Variants in COQ8A observed in about 807,000 individuals in gnomAD.
COQ8A encodes the protein atypical kinase COQ8A, mitochondrial.
In COQ8A, 51 loss-of-function variants were observed where a neutral mutation model predicts 65.0. The ratio of observed to expected loss-of-function variants is 0.78; its 90% confidence interval spans 0.63 to 0.99. COQ8A has a LOEUF of 0.99. Among genes scored for constraint, COQ8A ranks in the 50% least tolerant of loss-of-function variants. The probability of loss-of-function intolerance (pLI) is 0.00; values close to 1 mark genes in which losing one functional copy is unlikely to be tolerated. For synonymous variants in COQ8A, 371 were observed against 353.2 expected (o/e 1.05, Z -0.57); for missense variants, 940 against 875.0 (o/e 1.07, Z -0.94).
intron 1 of COQ8A, among the ~76,000 whole-genome samples, chr1:226,944,799 G>A (rs1656930074): frequency 6.7e-6 from 1 of 149,350 alleles, no homozygotes; most frequent in Non-Finnish European, 1.5e-5. Flanking sequence ...GAGTGTGTGT[G>A]TATGTGTAGA....
intron 1 of COQ8A, among the ~76,000 whole-genome samples, chr1:226,957,548 AGAG>A (rs2148036122): frequency 6.6e-6 from 1 of 152,264 alleles, no homozygotes; most frequent in South Asian, 2.1e-4. Context: ...CTGCTGTCAT[AGAG>A]GAGATGAGTG....
intron 2 of COQ8A, among the ~76,000 whole-genome samples, chr1:226,963,558 A>T (rs1457730312): frequency 6.6e-6 from 1 of 152,198 alleles, no homozygotes; most frequent in Non-Finnish European, 1.5e-5. Flanking sequence ...CTCACTGTCA[A>T]GCCTTCCCTG....
rs990220604 is a variant in COQ8A, at chr1:226,978,906, T to G, written c.730+1383T>G. ...CACCCACCAATCACCCACTGAACAC[T>G]GCACCTCCTTACCCCTCCACACACC... On this transcript the variant is annotated intron_variant, in intron 5 of 14. Transcript: ENST00000366777. 3.9e-5 allele frequency among the ~76,000 whole-genome samples: 4 copies of G among 102,630 alleles called. 1 individual carries two copies. Among genetic ancestry groups the G allele is most frequent in the Non-Finnish European group, 6.7e-5 (3 of 44,666 alleles). The allele number at this position is 102,630 out of a possible 152,430, so 67.3% of individuals were successfully genotyped here.
intron 5 of COQ8A, among the ~76,000 whole-genome samples, chr1:226,978,129 C>CTG (rs1558200835): frequency 4.6e-5 from 7 of 151,132 alleles, no homozygotes; most frequent in Admixed American, 2.0e-4. Flanking sequence ...TGCACACCCA[C>CTG]CAAACACCCA....
At position 226,978,795 on chromosome 1, in the gene COQ8A, CCG is replaced by C. The variant is rs1215692007; in HGVS notation, c.730+1274_730+1275del. ...ACCTCCGTACACACCCACCTCTCAC[CCG>C]CACAGCTCCTTACACACCCTCCATG... is the stretch of plus-strand genomic sequence containing the variant. On this transcript the variant is annotated intron_variant, in intron 5 of 14. Transcript: ENST00000366777. Among the ~76,000 whole-genome samples the C allele has an allele frequency of 6.0e-4, 73 of 121,622 alleles. 3 individuals carry two copies. Among genetic ancestry groups the C allele is most frequent in the African/African-American group, 1.8e-3 (68 of 37,188 alleles). The allele number at this position is 121,622 out of a possible 152,430, so 79.8% of individuals were successfully genotyped here.
At chr1:226,977,942 A>G (rs1364346251) in intron 5 of COQ8A, among the ~76,000 whole-genome samples, 3 of 145,916 alleles carry the variant, frequency 2.1e-5, no homozygotes, top group African/African-American at 7.8e-5. Flanking sequence ...CCCACCCACC[A>G]AACACCCGCA....
At position 226,965,399 on chromosome 1, in the gene COQ8A, CACAA is replaced by C. The variant is rs779540565; in HGVS notation, c.581_584del (p.Lys194ArgfsTer14). On this transcript the variant is annotated frameshift_variant, in exon 3 of 15. Transcript: ENST00000366777. LOFTEE classifies it high-confidence loss of function. ...TAAGGCTCGCCCCGAGAACAAGCAG[CACAA>C]ACAGACGGTGCGTATGGGAGGCCCC... 1 of 1,609,588 alleles carries C rather than the reference CACAA, an allele frequency of 6.2e-7. No homozygotes were observed. Among genetic ancestry groups the C allele is most frequent in the Non-Finnish European group, 8.5e-7 (1 of 1,178,950 alleles).
chr1:226,969,015 T>C (rs1658730604), intron 4 of COQ8A, among the ~76,000 whole-genome samples: 1 of 152,230 alleles, frequency 6.6e-6, no homozygotes, highest in Non-Finnish European at 1.5e-5. Flanking sequence ...TGGTTTTCTC[T>C]TTTGTAAAAT....
intron 1 of COQ8A, among the ~76,000 whole-genome samples, chr1:226,941,124 C>T (rs557661114): frequency 3.3e-5 from 5 of 152,280 alleles, no homozygotes; most frequent in East Asian, 1.9e-4. Flanking sequence ...GGGAGTGCTG[C>T]AGGGGCAGGT....
At chr1:226,967,698 C>G (rs976414249) in intron 4 of COQ8A, among the ~76,000 whole-genome samples, 7 of 152,132 alleles carry the variant, frequency 4.6e-5, no homozygotes, top group Non-Finnish European at 7.3e-5. Context: ...CCAGAGGGAG[C>G]CTGGGTTAGT....
Position 226,986,478 on chromosome 1 carries a change from C to T in COQ8A, c.1685C>T (p.Ala562Val), listed in dbSNP as rs1199384075. ...VKVMEDAHLD[A>V]ILILGEAFAS... ...GTCATGGAAGACGCCCACTTGGATG[C>T]CATCCTCATCCTGGGGGAGGCCTTC... Residue 562 changes from alanine to valine, a missense_variant, in exon 15 of 15, where the codon GCC becomes GTC. Ala to Val is a moderately conservative substitution (Grantham distance 64). Coordinates refer to ENST00000366777, the MANE Select transcript of COQ8A (RefSeq NM_020247.5). 1 of 1,613,104 alleles carries T rather than the reference C, an allele frequency of 6.2e-7. No homozygotes were observed. The highest frequency in any genetic ancestry group is 1.3e-5 in the African/African-American group (1 of 75,006).
chr1:226,984,443 G>A, intron 11 of COQ8A, 105 bp from the exon 12 acceptor site: 1 of 1,292,402 alleles, frequency 7.7e-7, no homozygotes, highest in Non-Finnish European at 1.1e-6. Flanking sequence ...ACAGTCCCTA[G>A]GGTAGGGTGG....
chr1:226,980,604 C>T (rs946954956), intron 5 of COQ8A, among the ~76,000 whole-genome samples: 3 of 152,170 alleles, frequency 2.0e-5, no homozygotes, highest in Non-Finnish European at 4.4e-5. Flanking sequence ...AGGGGGTGGC[C>T]GAGGGACCCT....
chr1:226,961,257 G>A (rs1658237099), intron 1 of COQ8A, 120 bp from the exon 2 acceptor site: 1 of 1,040,754 alleles, frequency 9.6e-7, no homozygotes, highest in Non-Finnish European at 1.5e-6. Flanking sequence ...AGCAGAAGGG[G>A]AGATCAGTGG....
intron 5 of COQ8A, among the ~76,000 whole-genome samples, chr1:226,979,734 C>T (rs2148117719): frequency 6.6e-6 from 1 of 152,324 alleles, no homozygotes; most frequent in South Asian, 2.1e-4. Context: ...CTAGTCCATC[C>T]CACAGGCCCG....
Position 226,983,792 on chromosome 1 carries a change from G to A in COQ8A, c.1194G>A (p.Leu398=). 1 of 1,612,938 alleles carries A rather than the reference G, an allele frequency of 6.2e-7. No homozygotes were observed. The highest frequency in any genetic ancestry group is 8.5e-7 in the Non-Finnish European group (1 of 1,180,008). The change falls in exon 10 of 15, where the codon CTG becomes CTA. Residue 398 remains leucine (L), a synonymous_variant. Transcript: ENST00000366777. ...TCCCCGAGCACCTGATCGACGTGCT[G>A]AGGCGGGAGCTGGCCCTGGAGTGTG... ...GLFPEHLIDV[L]RRELALECDY... is the part of the protein sequence containing the mutation.
intron 1 of COQ8A, among the ~76,000 whole-genome samples, chr1:226,943,287 T>G (rs1387074417): frequency 2.6e-5 from 4 of 152,258 alleles, no homozygotes; most frequent in African/African-American, 9.6e-5. Flanking sequence ...GACAGGAATA[T>G]TTAGACAGAG....
chr1:226,973,701 A>G (rs942042331), intron 4 of COQ8A, among the ~76,000 whole-genome samples: 1 of 152,216 alleles, frequency 6.6e-6, no homozygotes, highest in African/African-American at 2.4e-5. Context: ...GGAGGATGCC[A>G]GGTGGTGATA....
intron 4 of COQ8A, among the ~76,000 whole-genome samples, chr1:226,967,785 C>T (rs1459776107): frequency 2.0e-5 from 3 of 152,196 alleles, no homozygotes; most frequent in Admixed American, 6.5e-5. Flanking sequence ...GCCTGATGTA[C>T]GGAGCCATCT....
Sources: allele counts gnomAD v4.1 joint callset (sites outside exome capture counted in the v4.1 genomes callset), GRCh38; gene constraint gnomAD v4.1.1; transcripts MANE v1.5; gene names NCBI Gene and HGNC (gene_info 2026-07-23, HGNC 2026-07-21).